EXOC2: variants seen among roughly 807,000 people sequenced by gnomAD.
The protein encoded by EXOC2 is SEC5-like 1.
Under a neutral mutation model 131.8 loss-of-function variants are expected in EXOC2, and 70 were observed. The observed-to-expected ratio is 0.53, with a 90% CI of 0.44 to 0.65. The LOEUF (loss-of-function observed/expected upper bound fraction) is 0.65. Ranked by LOEUF, EXOC2 falls within the 30% of genes least tolerant of loss-of-function variation. EXOC2 has a pLI of 0.00. For missense variants in EXOC2, 923 were observed against 1,108.6 expected (o/e 0.83, Z 2.38); for synonymous variants, 411 against 398.4 (o/e 1.03, Z -0.38).
At position 553,895 on chromosome 6, in the gene EXOC2, C is replaced by T. The variant is rs775690046; in HGVS notation, c.2080G>A (p.Asp694Asn). Residue 694 changes from aspartate to asparagine, a missense_variant, in exon 21 of 28, where the codon GAC becomes AAC. Coordinates refer to ENST00000230449, the MANE Select transcript of EXOC2 (RefSeq NM_018303.6). ...THLSVDVSSPDLFGSIHEDFS... is the reference protein window; with the variant it reads ...THLSVDVSSPNLFGSIHEDFS... ...TCTTCATGGATACTTCCAAACAAGT[C>T]AGGGGAAGAAACATCAACAGAGAGA... 3 of 1,613,862 alleles carry T rather than the reference C, an allele frequency of 1.9e-6. No homozygotes were observed. In the African/African-American group the frequency reaches 4.0e-5, roughly 22 times the overall value.
intron 17 of EXOC2, among the ~76,000 whole-genome samples, chr6:562,202 G>A (rs900938988): frequency 4.6e-5 from 7 of 152,220 alleles, no homozygotes; most frequent in Non-Finnish European, 7.3e-5. Context: ...AAAGCCACTG[G>A]GATGTGTCGG....
At chr6:571,400 A>G (rs1758269895) in intron 13 of EXOC2, among the ~76,000 whole-genome samples, 1 of 152,238 alleles carries the variant, frequency 6.6e-6, no homozygotes, top group Non-Finnish European at 1.5e-5. Context: ...AACCATTCAC[A>G]TAAACAAGGC....
chr6:627,662 A>T (rs909260070), intron 4 of EXOC2, among the ~76,000 whole-genome samples: 3 of 151,766 alleles, frequency 2.0e-5, no homozygotes, highest in Admixed American at 6.6e-5. Flanking sequence ...GGCATTTCTC[A>T]TTGCGTATGT....
Position 654,803 on chromosome 6 carries a change from C to CAAAAAAAAAAAAAAAAAAAA in EXOC2, c.-43-16962_-43-16943dup, listed in dbSNP as rs66637987. Among the ~76,000 whole-genome samples the CAAAAAAAAAAAAAAAAAAAA allele has an allele frequency of 1.7e-4, 5 of 29,562 alleles. 1 individual carries two copies. Among genetic ancestry groups the CAAAAAAAAAAAAAAAAAAAA allele is most frequent in the Admixed American group, 5.5e-4 (1 of 1,824 alleles). 19.4% of individuals were successfully genotyped at this position (29,562 alleles called of 152,430 possible). On this transcript the variant is annotated intron_variant, in intron 1 of 27. Transcript: ENST00000230449. ...TGGGTGACAGAGTAAGACCCTGTCT[C>CAAAAAAAAAAAAAAAAAAAA]AAAAAAAAAAAAAAAAAAAAAAAAA...
At chr6:527,744 T>C (rs999669874) in intron 23 of EXOC2, among the ~76,000 whole-genome samples, 8 of 152,248 alleles carry the variant, frequency 5.3e-5, no homozygotes, top group Admixed American at 6.5e-5. Flanking sequence ...CTATAATTAG[T>C]ATAAGCACAT....
intron 1 of EXOC2, among the ~76,000 whole-genome samples, chr6:649,451 C>T (rs1456234641): frequency 2.0e-5 from 3 of 152,292 alleles, no homozygotes; most frequent in South Asian, 2.1e-4. Flanking sequence ...TTACTGGCTC[C>T]TAGCCTAAGA....
At position 486,630 on chromosome 6, in the gene EXOC2, T is replaced by C. The variant is rs1357027121; in HGVS notation, c.*41A>G. 2 of 1,518,296 alleles carry C rather than the reference T, an allele frequency of 1.3e-6. No homozygotes were observed. The highest frequency in any genetic ancestry group is 1.8e-6 in the Non-Finnish European group (2 of 1,092,802). The allele number at this position is 1,518,296 out of a possible 1,614,324, so 94.1% of individuals were successfully genotyped here. The stretch of plus-strand genomic sequence containing the variant: ...GGTACTTAGAGAGTGAACAGTCTTA[T>C]TACGTGTTATTTTCCTGGACTTCTT... On this transcript the variant is annotated 3_prime_UTR_variant, in exon 28 of 28. Transcript: ENST00000230449.
rs575529763 is a variant in EXOC2 at position 582,903 on chromosome 6, A to AGCATTTCGGACGT, written c.1193-6034_1193-6022dup. ...GGACTGTCCTTCACAAGCTCCAGGC[A>AGCATTTCGGACGT]GCATTTCGGACGTGCATTTCAGTAT... is the stretch of plus-strand genomic sequence containing the variant. On this transcript the variant is annotated intron_variant, in intron 11 of 27. Coordinates refer to ENST00000230449, the MANE Select transcript of EXOC2 (RefSeq NM_018303.6). 5.9e-3 allele frequency among the ~76,000 whole-genome samples: 906 copies of AGCATTTCGGACGT among 152,292 alleles called. 13 individuals carry two copies. Among genetic ancestry groups the AGCATTTCGGACGT allele is most frequent in the African/African-American group, 0.02 (832 of 41,542 alleles).
intron 7 of EXOC2, among the ~76,000 whole-genome samples, chr6:608,242 G>A (rs934863706): frequency 1.3e-5 from 2 of 152,242 alleles, no homozygotes; most frequent in African/African-American, 4.8e-5. Context: ...CTCTCTCGGG[G>A]CCAGAGCTGC....
At chr6:538,021 A>T (rs1279076847) in intron 22 of EXOC2, among the ~76,000 whole-genome samples, 1 of 152,218 alleles carries the variant, frequency 6.6e-6, no homozygotes, top group Non-Finnish European at 1.5e-5. Context: ...CATAAGCTTA[A>T]GATTTGTGTC....
intron 7 of EXOC2, among the ~76,000 whole-genome samples, chr6:608,220 G>A (rs903682499): frequency 1.3e-5 from 2 of 152,198 alleles, no homozygotes; most frequent in African/African-American, 2.4e-5. Flanking sequence ...CTACGAACCC[G>A]CCTGGGCGGG....
chr6:656,057 A>T, intron 1 of EXOC2: 2 of 1,332,034 alleles, frequency 1.5e-6, no homozygotes, highest in Non-Finnish European at 2.1e-6. Context: ...GGTCTGTTTT[A>T]GTTTTGAAAA....
At position 637,830 on chromosome 6, in the gene EXOC2, G is replaced by A; in HGVS notation, c.-12C>T. 2 of 1,610,150 alleles carry A rather than the reference G, an allele frequency of 1.2e-6. No individual in the cohort carries two copies. The highest frequency in any genetic ancestry group is 1.7e-6 in the Non-Finnish European group (2 of 1,177,202). ...CGTGATCGAGACATTGTGCTTTGTG[G>A]AGCAAACTGGTGATCCTGTTAGAGA... is the stretch of plus-strand genomic sequence containing the variant. On this transcript the variant is annotated 5_prime_UTR_variant, in exon 2 of 28. Coordinates refer to ENST00000230449, the MANE Select transcript of EXOC2 (RefSeq NM_018303.6).
At chr6:576,310 T>C (rs1758574241) in intron 12 of EXOC2, among the ~76,000 whole-genome samples, 1 of 152,202 alleles carries the variant, frequency 6.6e-6, no homozygotes, top group Non-Finnish European at 1.5e-5. Flanking sequence ...AGATGCTTCA[T>C]CTTAGGAAAA....
chr6:522,629 AG>A (rs1461439848), intron 23 of EXOC2, among the ~76,000 whole-genome samples: 1 of 148,676 alleles, frequency 6.7e-6, no homozygotes, highest in Non-Finnish European at 1.5e-5. Flanking sequence ...ATGATGGTGC[AG>A]CAAGGTGTCT....
Position 592,535 on chromosome 6 carries a change from C to T in EXOC2, c.1126G>A (p.Ala376Thr), listed in dbSNP as rs1300845065. The T allele has an allele frequency of 6.2e-7, 1 of 1,614,084 alleles. No individual in the cohort carries two copies. The highest frequency in any genetic ancestry group is 8.5e-7 in the Non-Finnish European group (1 of 1,180,002). The change falls in exon 11 of 28, where the codon GCC (alanine) becomes ACC (threonine). Residue 376 changes from alanine to threonine, a missense_variant. Transcript: ENST00000230449. Reference protein sequence around the residue: ...SGDPAWQCIGAQHKWILQLMH... With the variant: ...SGDPAWQCIGTQHKWILQLMH... ...AGCTGAAGGATCCACTTGTGTTGGG[C>T]TCCAATGCATTGCCAAGCAGGGTCA...
chr6:598,119 A>T lies in EXOC2; in HGVS notation c.975T>A (p.Tyr325Ter), dbSNP rs756621504. The T allele has an allele frequency of 6.2e-7, 1 of 1,601,702 alleles. No homozygotes were observed. Residue 325 changes from tyrosine (Y) to a stop codon, truncating the protein, a stop_gained, in exon 10 of 28, where the codon TAT (tyrosine) becomes TAA (stop). Coordinates refer to ENST00000230449, the MANE Select transcript of EXOC2 (RefSeq NM_018303.6). LOFTEE classifies it high-confidence loss of function. ...KTEVQVFKKY[Y>*]AEVETRIEAL... ...CTTCAATCCTTGTTTCTACTTCAGCATAATCTATTTAAAAAGAAAAGAATA... is the reference window on the plus strand; with the variant it reads ...CTTCAATCCTTGTTTCTACTTCAGCTTAATCTATTTAAAAAGAAAAGAATA...
At chr6:643,523 T>C (rs1457620489) in intron 1 of EXOC2, among the ~76,000 whole-genome samples, 1 of 152,072 alleles carries the variant, frequency 6.6e-6, no homozygotes, top group East Asian at 1.9e-4. Context: ...GAAACATTTA[T>C]CAAAATTTGT....
intron 1 of EXOC2, among the ~76,000 whole-genome samples, chr6:650,139 T>G (rs1762766760): frequency 6.6e-6 from 1 of 152,208 alleles, no homozygotes; most frequent in East Asian, 1.9e-4. Context: ...AGTAAAACAA[T>G]CATATGGTAC....
Sources: gnomAD v4.1 joint callset for allele counts (sites outside exome capture counted in the v4.1 genomes callset) on GRCh38, gnomAD v4.1.1 for gene constraint, MANE v1.5 for transcripts, NCBI Gene and HGNC (gene_info 2026-07-23, HGNC 2026-07-21) for gene names.